Variants in ARL15 observed in about 807,000 individuals in gnomAD.
ARL15 encodes the protein ADP-ribosylation factor-like protein 15.
Under a neutral mutation model 25.2 loss-of-function variants are expected in ARL15, and 19 were observed. That is an observed-to-expected ratio of 0.75 (90% CI 0.53 to 1.10). The LOEUF (loss-of-function observed/expected upper bound fraction) is 1.10, where lower values mean the gene tolerates loss of function less well. Ranked by LOEUF, ARL15 falls within the 50% of genes least tolerant of loss-of-function variation. The pLI is 0.00. For missense variants in ARL15, 220 were observed against 246.0 expected, an observed-to-expected ratio of 0.89 and a Z score of 0.71; for synonymous variants, 94 against 86.8, an observed-to-expected ratio of 1.08 and a Z score of -0.46.
At chr5:54,244,414 G>A (rs1246048276) in intron 1 of ARL15, among the ~76,000 whole-genome samples, 3 of 152,120 alleles carry the variant, frequency 2.0e-5, no homozygotes, top group Non-Finnish European at 4.4e-5. Context: ...TTATCTGTAG[G>A]AAGTATGGAA....
intron 1 of ARL15, among the ~76,000 whole-genome samples, chr5:54,258,448 G>A (rs1207278750): frequency 6.6e-6 from 1 of 152,160 alleles, no homozygotes; most frequent in African/African-American, 2.4e-5. Flanking sequence ...TGAGGCAAGA[G>A]ATTCATAGAG....
intron 4 of ARL15, among the ~76,000 whole-genome samples, chr5:53,932,464 C>T (rs934834019): frequency 6.6e-6 from 1 of 152,180 alleles, no homozygotes; most frequent in African/African-American, 2.4e-5. Flanking sequence ...AATGGACCTA[C>T]TATTCCCAAT....
At chr5:53,907,907 T>C (rs970299964) in intron 4 of ARL15, among the ~76,000 whole-genome samples, 2 of 152,116 alleles carry the variant, frequency 1.3e-5, no homozygotes, top group Non-Finnish European at 2.9e-5. Flanking sequence ...TCTAGAAATG[T>C]TTCAGATACG....
chr5:54,185,066 T>C (rs969842245), intron 1 of ARL15, among the ~76,000 whole-genome samples: 3 of 152,178 alleles, frequency 2.0e-5, no homozygotes, highest in African/African-American at 7.2e-5. Context: ...ATCCAATAGT[T>C]GTTATGGGGA....
intron 1 of ARL15, among the ~76,000 whole-genome samples, chr5:54,289,433 T>A (rs758192174): frequency 6.6e-6 from 1 of 151,766 alleles, no homozygotes; most frequent in Non-Finnish European, 1.5e-5. Flanking sequence ...AGAGCAGACG[T>A]GGTCATTCTA....
chr5:54,242,925 A>G (rs1317062234), intron 1 of ARL15, among the ~76,000 whole-genome samples: 2 of 152,218 alleles, frequency 1.3e-5, no homozygotes, highest in African/African-American at 4.8e-5. Flanking sequence ...TACCTTTTCA[A>G]TATAGAGAAT....
intron 2 of ARL15, among the ~76,000 whole-genome samples, chr5:54,161,417 A>G (rs915292673): frequency 6.6e-6 from 1 of 152,206 alleles, no homozygotes; most frequent in African/African-American, 2.4e-5. Context: ...TCATAATGTC[A>G]CCTGTAATAC....
intron 1 of ARL15, chr5:54,282,214 T>C: frequency 1.0e-6 from 1 of 979,756 alleles, no homozygotes; most frequent in Non-Finnish European, 1.2e-6. Flanking sequence ...TTTCCAACAC[T>C]AGGGTCTTCA....
At chr5:54,157,746 C>T (rs1754284043) in intron 2 of ARL15, among the ~76,000 whole-genome samples, 1 of 152,034 alleles carries the variant, frequency 6.6e-6, no homozygotes, top group South Asian at 2.1e-4. Flanking sequence ...ATAAATGTCC[C>T]GACAAAATAG....
chr5:54,240,255 CAAT>C (rs1464572684), intron 1 of ARL15, among the ~76,000 whole-genome samples: 2 of 130,864 alleles, frequency 1.5e-5, no homozygotes, highest in Non-Finnish European at 1.6e-5. Context: ...AACACATCGC[CAAT>C]AATTTTTTTT....
intron 3 of ARL15, among the ~76,000 whole-genome samples, chr5:54,150,558 T>C (rs1234642390): frequency 6.6e-6 from 1 of 152,134 alleles, no homozygotes; most frequent in Non-Finnish European, 1.5e-5. Context: ...CTCAGCACTT[T>C]GGGAGGCTGA....
intron 1 of ARL15, among the ~76,000 whole-genome samples, chr5:54,181,314 T>C (rs554957682): frequency 2.4e-4 from 37 of 152,244 alleles, no homozygotes; most frequent in African/African-American, 8.7e-4. Flanking sequence ...AAACCAGCAA[T>C]AAAATACCCA....
intron 1 of ARL15, among the ~76,000 whole-genome samples, chr5:54,303,855 G>A (rs977557653): frequency 2.2e-4 from 34 of 152,056 alleles, no homozygotes; most frequent in African/African-American, 7.0e-4. Flanking sequence ...GAGTAAGGAG[G>A]TTGCCTGAAA....
intron 4 of ARL15, among the ~76,000 whole-genome samples, chr5:54,111,114 G>A (rs1752727374): frequency 6.6e-6 from 1 of 151,994 alleles, no homozygotes; most frequent in Non-Finnish European, 1.5e-5. Flanking sequence ...ACATGCACCT[G>A]TATGGTATAT....
chr5:53,910,873 T>C (rs1407131311), intron 4 of ARL15, among the ~76,000 whole-genome samples: 1 of 151,766 alleles, frequency 6.6e-6, no homozygotes, highest in Non-Finnish European at 1.5e-5. Context: ...GGTTGAGCAT[T>C]ATTATAGTTG....
At chr5:54,174,894 C>T (rs76050732) in intron 1 of ARL15, among the ~76,000 whole-genome samples, 2,747 of 152,282 alleles carry the variant, frequency 0.018, 38 homozygotes, top group Non-Finnish European at 0.025. Context: ...CAAAACTAGT[C>T]ACACAGTTTC....
rs371469537 is a variant in ARL15, at chr5:54,171,832, A to G, written c.145T>C (p.Leu49=). Residue 49 remains leucine (L), a synonymous_variant, in exon 2 of 5, where the codon TTG becomes CTG. Transcript: ENST00000504924. ...GGGCTTTCACTGCAGAGTTTGGACA[A>G]CAGACTGGTTTTGCCAGAACCTGTG... ...GLTGSGKTSL[L]SKLCSESPDN... 28 of 1,613,418 alleles carry G rather than the reference A, an allele frequency of 1.7e-5. No homozygotes were observed. The African/African-American group carries it at 3.3e-4, about 19-fold the overall frequency.
intron 1 of ARL15, among the ~76,000 whole-genome samples, chr5:54,291,843 C>T (rs1330320732): frequency 6.6e-6 from 1 of 152,166 alleles, no homozygotes; most frequent in Non-Finnish European, 1.5e-5. Flanking sequence ...AACAGAAACC[C>T]AACTCCCAGC....
At position 54,257,026 on chromosome 5, in the gene ARL15, G is replaced by A. The variant is rs536791201; in HGVS notation, c.48+53406C>T. Among the ~76,000 whole-genome samples, 106 of 152,228 alleles carry A rather than the reference G, an allele frequency of 7.0e-4. No homozygotes were observed. The Middle Eastern group carries it at 0.01, about 15-fold the overall frequency. On this transcript the variant is annotated intron_variant, in intron 1 of 4. Transcript: ENST00000504924. Reference sequence around the variant, plus strand: ...GTTGAAAGAATTCCCCCTAAGAACTGGAACAAGACAAGGATGCTCACTTTC... The same window carrying A: ...GTTGAAAGAATTCCCCCTAAGAACTAGAACAAGACAAGGATGCTCACTTTC...
Sources: gnomAD v4.1 joint callset for allele counts (sites outside exome capture counted in the v4.1 genomes callset) on GRCh38, gnomAD v4.1.1 for gene constraint, MANE v1.5 for transcripts, NCBI Gene and HGNC (gene_info 2026-07-23, HGNC 2026-07-21) for gene names.